NHSL1: variants seen among roughly 807,000 people sequenced by gnomAD.
NHSL1 encodes the protein NHS-like protein 1.
Under a neutral mutation model 95.0 loss-of-function variants are expected in NHSL1, and 48 were observed. That is an observed-to-expected ratio of 0.51 (90% confidence interval 0.40 to 0.64). The LOEUF is 0.64. Among genes scored for constraint, NHSL1 ranks in the 30% least tolerant of loss-of-function variants. The probability of loss-of-function intolerance (pLI) is 0.00; values close to 1 mark genes in which losing one functional copy is unlikely to be tolerated. For synonymous variants in NHSL1, 783 were observed against 833.9 expected, an observed-to-expected ratio of 0.94 and a Z score of 1.05; for missense variants, 1,971 against 2,077.7, an observed-to-expected ratio of 0.95 and a Z score of 1.00.
At chr6:138,485,201 TA>T (rs1238815055) in intron 2 of NHSL1, among the ~76,000 whole-genome samples, 1 of 152,206 alleles carries the variant, frequency 6.6e-6, no homozygotes, top group Non-Finnish European at 1.5e-5. Context: ...TCGTGAATGA[TA>T]ACAAACCTTA....
chr6:138,451,679 CAAAGGAGT>C (rs1777248776), intron 3 of NHSL1, among the ~76,000 whole-genome samples: 1 of 152,092 alleles, frequency 6.6e-6, no homozygotes, highest in African/African-American at 2.4e-5. Flanking sequence ...AGTGGAGACT[CAAAGGAGT>C]AAAGTAACTT....
intron 1 of NHSL1, among the ~76,000 whole-genome samples, chr6:138,607,737 A>G (rs919453433): frequency 6.6e-6 from 1 of 152,210 alleles, no homozygotes; most frequent in African/African-American, 2.4e-5. Flanking sequence ...CCTTCCCATG[A>G]GGCTTTGAAG....
At chr6:138,628,784 G>T (rs534416512) in intron 1 of NHSL1, among the ~76,000 whole-genome samples, 6 of 152,068 alleles carry the variant, frequency 3.9e-5, no homozygotes, top group Non-Finnish European at 7.4e-5. Context: ...TTTCTTTTCC[G>T]CAGTAACCAC....
intron 1 of NHSL1, among the ~76,000 whole-genome samples, chr6:138,599,395 C>G (rs1168966430): frequency 2.6e-5 from 4 of 152,022 alleles, no homozygotes; most frequent in African/African-American, 9.7e-5. Context: ...GCCTGTAATT[C>G]CAGCTACTTG....
chr6:138,476,539 A>C (rs999586251), intron 2 of NHSL1, among the ~76,000 whole-genome samples: 7 of 152,140 alleles, frequency 4.6e-5, no homozygotes, highest in South Asian at 2.1e-4. Context: ...AAAATTACCT[A>C]CTGGGGGCCC....
intron 1 of NHSL1, among the ~76,000 whole-genome samples, chr6:138,565,016 TAA>T (rs1043636764): frequency 1.3e-5 from 2 of 152,164 alleles, no homozygotes; most frequent in Non-Finnish European, 2.9e-5. Context: ...GCAGATCCCG[TAA>T]AGTTTCACGC....
intron 3 of NHSL1, among the ~76,000 whole-genome samples, chr6:138,467,431 C>T (rs1481344265): frequency 2.0e-5 from 3 of 152,268 alleles, no homozygotes; most frequent in East Asian, 3.9e-4. Context: ...GGATTACAGG[C>T]GTAAGCCACC....
intron 1 of NHSL1, among the ~76,000 whole-genome samples, chr6:138,524,731 T>A (rs965403868): frequency 6.6e-6 from 1 of 152,126 alleles, no homozygotes; most frequent in Non-Finnish European, 1.5e-5. Flanking sequence ...TCAGAGTGTG[T>A]GCATAGTCAG....
At chr6:138,508,132 T>G (rs1242412979) in intron 1 of NHSL1, among the ~76,000 whole-genome samples, 2 of 152,068 alleles carry the variant, frequency 1.3e-5, no homozygotes, top group East Asian at 3.9e-4. Context: ...ATGTGACAAA[T>G]GTTGAACAAA....
intron 1 of NHSL1, among the ~76,000 whole-genome samples, chr6:138,684,677 G>C (rs1208839808): frequency 6.6e-6 from 1 of 152,094 alleles, no homozygotes; most frequent in Non-Finnish European, 1.5e-5. Flanking sequence ...ACAAACATGG[G>C]GGGCCTGTAA....
chr6:138,437,020 C>A (rs1407428307), intron 5 of NHSL1, among the ~76,000 whole-genome samples: 1 of 152,000 alleles, frequency 6.6e-6, no homozygotes, highest in African/African-American at 2.4e-5. Flanking sequence ...ACCTGTAATC[C>A]CAACACTTTG....
intron 1 of NHSL1, among the ~76,000 whole-genome samples, chr6:138,667,514 T>A (rs900938823): frequency 6.6e-6 from 1 of 152,204 alleles, no homozygotes; most frequent in African/African-American, 2.4e-5. Context: ...ATTACATAAT[T>A]TCTCTAGAAA....
intron 1 of NHSL1, among the ~76,000 whole-genome samples, chr6:138,606,804 G>A (rs991343997): frequency 7.5e-5 from 11 of 147,620 alleles, no homozygotes; most frequent in African/African-American, 2.2e-4. Flanking sequence ...CCAGGTTCAC[G>A]CCATTCTCCT....
intron 1 of NHSL1, among the ~76,000 whole-genome samples, chr6:138,570,416 T>C (rs1783796025): frequency 6.6e-6 from 1 of 152,222 alleles, no homozygotes; most frequent in South Asian, 2.1e-4. Context: ...TACTAAACTA[T>C]ACAACTCCAG....
intron 1 of NHSL1, among the ~76,000 whole-genome samples, chr6:138,629,092 C>CA (rs1293126187): frequency 6.6e-6 from 1 of 152,014 alleles, no homozygotes; most frequent in Admixed American, 6.6e-5. Flanking sequence ...GTTGCAACCT[C>CA]AAAAAAAGTG....
intron 1 of NHSL1, among the ~76,000 whole-genome samples, chr6:138,649,002 A>C (rs551579002): frequency 6.6e-6 from 1 of 152,174 alleles, no homozygotes; most frequent in Non-Finnish European, 1.5e-5. Context: ...TAAAATTAAG[A>C]AGGAGGTGTA....
chr6:138,507,464 G>C (rs916455902), intron 1 of NHSL1, among the ~76,000 whole-genome samples: 9 of 152,180 alleles, frequency 5.9e-5, no homozygotes, highest in Middle Eastern at 6.3e-3. Context: ...ACATGATTCT[G>C]GATGGGATGC....
intron 1 of NHSL1, among the ~76,000 whole-genome samples, chr6:138,686,158 C>CA (rs548325684): frequency 1.0e-3 from 143 of 143,414 alleles, no homozygotes; most frequent in Non-Finnish European, 1.4e-3. Flanking sequence ...GTGTTCTTAC[C>CA]AAAAAAAAAA....
In NHSL1 at chr6:138,532,503, A is replaced by C. The variant is rs139477502; in HGVS notation, c.16+13120T>G. On this transcript the variant is annotated intron_variant, in intron 1 of 4. Transcript: ENST00000342260. The stretch of plus-strand genomic sequence containing the variant: ...ATCTCACTGAGGCAGTGGTGACCCA[A>C]GGGCTGGAGAGAAGGGATGGAATTG... Among the ~76,000 whole-genome samples, 877 of 152,294 alleles carry C rather than the reference A, an allele frequency of 5.8e-3. 22 individuals carry two copies. Among genetic ancestry groups the C allele is most frequent in the Admixed American group, 0.048 (735 of 15,288 alleles).
Sources: gnomAD v4.1 joint callset for allele counts (sites outside exome capture counted in the v4.1 genomes callset) on GRCh38, gnomAD v4.1.1 for gene constraint, MANE v1.5 for transcripts, NCBI Gene and HGNC (gene_info 2026-07-23, HGNC 2026-07-21) for gene names.